ABCA13: variants seen among roughly 807,000 people sequenced by gnomAD.
ABCA13 encodes the protein ATP binding cassette subfamily A member 13, also known as ATP-binding cassette sub-family A member 13.
ABCA13 carries 476 observed loss-of-function variants against 478.7 expected under a neutral mutation model. The observed-to-expected ratio is 0.99, with a 90% CI of 0.92 to 1.07. The LOEUF (loss-of-function observed/expected upper bound fraction) is 1.07, where lower values mean the gene tolerates loss of function less well. ABCA13 is among the 50% of genes least tolerant of loss of function. The pLI, the probability that ABCA13 is intolerant of heterozygous loss-of-function variation, is 0.00. For missense variants in ABCA13, 6,060 were observed against 5,910.6 expected (o/e 1.03, Z -0.83); for synonymous variants, 2,252 against 2,158.9 (o/e 1.04, Z -1.20).
At chr7:48,576,034 G>A (rs994108682) in intron 55 of ABCA13, among the ~76,000 whole-genome samples, 5 of 152,054 alleles carry the variant, frequency 3.3e-5, no homozygotes, top group Non-Finnish European at 5.9e-5. Flanking sequence ...CATAACCACC[G>A]TTTATATAGC....
intron 48 of ABCA13, among the ~76,000 whole-genome samples, chr7:48,500,204 A>G (rs1000765608): frequency 1.3e-5 from 2 of 152,164 alleles, no homozygotes; most frequent in African/African-American, 4.8e-5. Flanking sequence ...GGGCATAGCT[A>G]TCCTCTCTTT....
At chr7:48,202,202 C>T (rs1011942499) in intron 3 of ABCA13, among the ~76,000 whole-genome samples, 12 of 152,190 alleles carry the variant, frequency 7.9e-5, no homozygotes, top group Admixed American at 5.2e-4. Flanking sequence ...GCTAGGGCAG[C>T]CTGCTTTTAT....
At chr7:48,332,784 G>T (rs979243673) in intron 27 of ABCA13, among the ~76,000 whole-genome samples, 1 of 152,070 alleles carries the variant, frequency 6.6e-6, no homozygotes, top group Admixed American at 6.5e-5. Flanking sequence ...TGGCTCCCAG[G>T]GTTTCAGATG....
rs547497633 is a variant in ABCA13 at position 48,322,511 on chromosome 7, G to A, written c.9999+5215G>A. On this transcript the variant is annotated intron_variant, in intron 27 of 61. Coordinates refer to ENST00000435803, the MANE Select transcript of ABCA13 (RefSeq NM_152701.5). ...CAGAGATCAGAGAGAGGCCACCAGCGGTGATCCAGACAGCCACGCCATGTC... is the reference window on the plus strand; with the variant it reads ...CAGAGATCAGAGAGAGGCCACCAGCAGTGATCCAGACAGCCACGCCATGTC... Among the ~76,000 whole-genome samples the A allele has an allele frequency of 1.1e-4, 17 of 152,258 alleles. 1 individual carries two copies. Among genetic ancestry groups the A allele is most frequent in the Admixed American group, 8.5e-4 (13 of 15,298 alleles).
intron 5 of ABCA13, among the ~76,000 whole-genome samples, chr7:48,224,031 C>G (rs937727021): frequency 6.6e-6 from 1 of 150,722 alleles, no homozygotes; most frequent in Non-Finnish European, 1.5e-5. Flanking sequence ...GTGTATATGA[C>G]TCAAGATGGT....
At chr7:48,428,136 G>T (rs1176569864) in intron 42 of ABCA13, among the ~76,000 whole-genome samples, 3 of 151,468 alleles carry the variant, frequency 2.0e-5, no homozygotes, top group African/African-American at 7.3e-5. Context: ...ATTTCTCAAT[G>T]TATACAGTTA....
intron 3 of ABCA13, among the ~76,000 whole-genome samples, chr7:48,207,634 T>C (rs1280150992): frequency 6.6e-6 from 1 of 152,172 alleles, no homozygotes; most frequent in Admixed American, 6.5e-5. Flanking sequence ...TTGCCTATTT[T>C]TCATTGAATT....
At chr7:48,433,329 A>G (rs1345044743) in intron 42 of ABCA13, among the ~76,000 whole-genome samples, 5 of 151,592 alleles carry the variant, frequency 3.3e-5, no homozygotes, top group African/African-American at 1.2e-4. Flanking sequence ...AAAAACAAAG[A>G]AAAATAAAAA....
chr7:48,599,648 G>A (rs145006035), intron 58 of ABCA13, among the ~76,000 whole-genome samples: 148 of 152,242 alleles, frequency 9.7e-4, no homozygotes, highest in Middle Eastern at 6.8e-3. Flanking sequence ...TGAGTATTTG[G>A]TTTTGCAAGT....
chr7:48,575,265 A>T (rs1429024297), intron 55 of ABCA13, among the ~76,000 whole-genome samples: 1 of 152,158 alleles, frequency 6.6e-6, no homozygotes, highest in Admixed American at 6.5e-5. Flanking sequence ...AAAGATTCTA[A>T]CTAAAAATTA....
Position 48,244,618 on chromosome 7 carries a change from G to C in ABCA13, c.1305G>C (p.Leu435=). 1 of 1,613,444 alleles carries C rather than the reference G, an allele frequency of 6.2e-7. No homozygotes were observed. Among genetic ancestry groups the C allele is most frequent in the East Asian group, 2.2e-5 (1 of 44,868 alleles). The change falls in exon 11 of 62, where the codon CTG becomes CTC. Residue 435 remains leucine, a synonymous_variant. Coordinates refer to ENST00000435803, the MANE Select transcript of ABCA13 (RefSeq NM_152701.5). ...AATTGCAAAGCTTGCTGCAAAACCT[G>C]CCCCAGTGGCCGGCACTGAAGAGAT... is the stretch of plus-strand genomic sequence containing the variant. ...LWKLQSLLQN[L]PQWPALKRFL...
rs547321126 is a variant in ABCA13 at position 48,464,419 on chromosome 7, T to C, written c.12816-2537T>C. ...GCTGTAGGGAATTATATTAGGACAGTTGTAAACCATACGAATATTTTAAAA... is the reference window on the plus strand; with the variant it reads ...GCTGTAGGGAATTATATTAGGACAGCTGTAAACCATACGAATATTTTAAAA... On this transcript the variant is annotated intron_variant, in intron 43 of 61. Transcript: ENST00000435803. Among the ~76,000 whole-genome samples the C allele has an allele frequency of 9.2e-5, 14 of 152,330 alleles. 1 individual carries two copies. In the South Asian group the frequency reaches 1.5e-3, roughly 16 times the overall value.
intron 28 of ABCA13, among the ~76,000 whole-genome samples, chr7:48,337,535 A>G (rs1323420100): frequency 6.6e-6 from 1 of 152,244 alleles, no homozygotes; most frequent in Non-Finnish European, 1.5e-5. Context: ...ATATTACTTG[A>G]GAATTCCTAT....
chr7:48,281,851 T>G (rs1431148394), intron 19 of ABCA13, among the ~76,000 whole-genome samples: 1 of 152,210 alleles, frequency 6.6e-6, no homozygotes, highest in Non-Finnish European at 1.5e-5. Flanking sequence ...TCGTACTTTC[T>G]TCTTTCTTAC....
At position 48,635,206 on chromosome 7, in the gene ABCA13, C is replaced by T. The variant is rs376750553; in HGVS notation, c.14838-8082C>T. On this transcript the variant is annotated intron_variant, in intron 59 of 61. Coordinates refer to ENST00000435803, the MANE Select transcript of ABCA13 (RefSeq NM_152701.5). ...AGAACACCCTTATGGTTGAACTTCT[C>T]CACATTTTGTTGCCAAAAAAAAAAA... 6.1e-5 allele frequency among the ~76,000 whole-genome samples: 8 copies of T among 130,862 alleles called. No individual in the cohort carries two copies. The East Asian group carries it at 1.3e-3, about 21-fold the overall frequency. 85.9% of individuals were successfully genotyped at this position (130,862 alleles called of 152,430 possible).
intron 26 of ABCA13, among the ~76,000 whole-genome samples, chr7:48,315,546 C>T (rs907993173): frequency 6.7e-6 from 1 of 150,086 alleles, no homozygotes; most frequent in Non-Finnish European, 1.5e-5. Flanking sequence ...GTGGCTTGAT[C>T]TCGGCTCACC....
chr7:48,525,735 T>C (rs1326585217), intron 54 of ABCA13, among the ~76,000 whole-genome samples: 2 of 143,992 alleles, frequency 1.4e-5, no homozygotes, highest in Admixed American at 1.4e-4. Context: ...TTTTTATTGT[T>C]AAAAATTTTA....
intron 43 of ABCA13, among the ~76,000 whole-genome samples, chr7:48,459,927 A>T (rs1296641595): frequency 2.6e-5 from 4 of 152,110 alleles, no homozygotes; most frequent in Non-Finnish European, 5.9e-5. Context: ...AGATGGTCCT[A>T]AATATACCAC....
intron 42 of ABCA13, among the ~76,000 whole-genome samples, chr7:48,453,024 G>A (rs1421146755): frequency 1.3e-5 from 2 of 152,134 alleles, no homozygotes; most frequent in Admixed American, 1.3e-4. Context: ...TAGATAGATA[G>A]GTAGAGATAT....
Sources: allele counts gnomAD v4.1 joint callset (sites outside exome capture counted in the v4.1 genomes callset), GRCh38; gene constraint gnomAD v4.1.1; transcripts MANE v1.5; gene names NCBI Gene and HGNC (gene_info 2026-07-23, HGNC 2026-07-21).